ELMO1: variants seen among roughly 807,000 people sequenced by gnomAD.
The protein encoded by ELMO1 is engulfment and cell motility 1, also known as engulfment and cell motility protein 1.
ELMO1 carries 26 observed loss-of-function variants against 98.9 expected under a neutral mutation model. The observed-to-expected ratio is 0.26, with a 90% CI of 0.19 to 0.36. The LOEUF (loss-of-function observed/expected upper bound fraction) is 0.36, where lower values mean the gene tolerates loss of function less well. Among genes scored for constraint, ELMO1 ranks in the 10% least tolerant of loss-of-function variants. ELMO1 has a pLI of 1.00. For missense variants in ELMO1, 627 were observed against 935.2 expected (o/e 0.67, Z 4.30); for synonymous variants, 346 against 346.0 (o/e 1.00, Z 0.00).
chr7:37,096,918 G>T (rs773978616), intron 14 of ELMO1, among the ~76,000 whole-genome samples, 191 bp from the exon 15 acceptor site: 2 of 152,034 alleles, frequency 1.3e-5, no homozygotes, highest in Non-Finnish European at 2.9e-5. Flanking sequence ...CCAAATCTTT[G>T]ACAACCCTCT....
chr7:37,084,833 T>C (rs1251421626), intron 15 of ELMO1, among the ~76,000 whole-genome samples: 1 of 151,478 alleles, frequency 6.6e-6, no homozygotes, highest in East Asian at 1.9e-4. Context: ...GTTGGCTCAC[T>C]CCAACCTCTG....
chr7:36,969,020 C>G (rs1232993275), intron 16 of ELMO1, among the ~76,000 whole-genome samples: 1 of 151,878 alleles, frequency 6.6e-6, no homozygotes, highest in East Asian at 1.9e-4. Flanking sequence ...TATTTAAAAG[C>G]CTTTGAGAAT....
At chr7:36,979,660 A>G (rs1790879289) in intron 16 of ELMO1, among the ~76,000 whole-genome samples, 2 of 152,162 alleles carry the variant, frequency 1.3e-5, no homozygotes, top group South Asian at 2.1e-4. Flanking sequence ...GACAGTGCCA[A>G]TGTTGGTGGT....
chr7:36,903,891 C>T (rs1783771197), intron 16 of ELMO1, among the ~76,000 whole-genome samples: 1 of 152,214 alleles, frequency 6.6e-6, no homozygotes, highest in Non-Finnish European at 1.5e-5. Flanking sequence ...GATTGGTACT[C>T]TCACTGGGGA....
At chr7:36,974,929 C>T (rs555901393) in intron 16 of ELMO1, among the ~76,000 whole-genome samples, 1 of 152,102 alleles carries the variant, frequency 6.6e-6, no homozygotes, top group Non-Finnish European at 1.5e-5. Flanking sequence ...TCTGCAACTT[C>T]ACTCCTGAGC....
At chr7:37,148,249 T>G (rs576050941) in intron 13 of ELMO1, among the ~76,000 whole-genome samples, 26 of 152,362 alleles carry the variant, frequency 1.7e-4, no homozygotes, top group African/African-American at 6.0e-4. Context: ...AAGTAACTTC[T>G]ATTTCAGAAG....
intron 1 of ELMO1, among the ~76,000 whole-genome samples, chr7:37,344,725 C>G (rs896312030): frequency 6.6e-6 from 1 of 152,178 alleles, no homozygotes; most frequent in Admixed American, 6.5e-5. Context: ...GCAAACCTGA[C>G]AGGTTGAAAA....
rs375141739 is a variant in ELMO1, at chr7:37,103,479, T to C, written c.1192-6752A>G. Among the ~76,000 whole-genome samples the C allele has an allele frequency of 2.4e-5, 3 of 125,198 alleles. No homozygotes were observed. The East Asian group carries it at 7.8e-4, about 32-fold the overall frequency. The allele number at this position is 125,198 out of a possible 152,430, so 82.1% of individuals were successfully genotyped here. A position where few individuals can be genotyped will look rare whatever the true frequency, so the allele number is the denominator to read the frequency against. Reference sequence around the variant, plus strand: ...GTGGAAATTGAACAATAAGAACATATGGACATAAGAAGGGGAACAGCACAC... The same window carrying C: ...GTGGAAATTGAACAATAAGAACATACGGACATAAGAAGGGGAACAGCACAC... On this transcript the variant is annotated intron_variant, in intron 14 of 21. Transcript: ENST00000310758.
At chr7:37,011,033 C>G (rs1793512707) in intron 16 of ELMO1, among the ~76,000 whole-genome samples, 1 of 152,218 alleles carries the variant, frequency 6.6e-6, no homozygotes, top group African/African-American at 2.4e-5. Context: ...TGTCCTGAGC[C>G]ATAAACTGTC....
At chr7:36,861,913 T>C (rs964252198) in intron 20 of ELMO1, 177 bp from the exon 21 acceptor site, 6 of 630,262 alleles carry the variant, frequency 9.5e-6, no homozygotes, top group Non-Finnish European at 1.7e-5. Flanking sequence ...TGATTCCTTC[T>C]CTCCATTCAC....
chr7:37,086,743 C>CAA (rs755237121), intron 15 of ELMO1, among the ~76,000 whole-genome samples: 654 of 48,388 alleles, frequency 0.014, 9 homozygotes, highest in African/African-American at 0.037. Context: ...ATCCTGTCTC[C>CAA]AAAAAAAAAA....
At chr7:37,009,970 T>C (rs1793431183) in intron 16 of ELMO1, among the ~76,000 whole-genome samples, 1 of 152,186 alleles carries the variant, frequency 6.6e-6, no homozygotes, top group South Asian at 2.1e-4. Flanking sequence ...CTTCTCCAAC[T>C]TATTATCAAG....
chr7:36,891,911 G>A (rs1193368114), intron 17 of ELMO1, among the ~76,000 whole-genome samples: 1 of 152,076 alleles, frequency 6.6e-6, no homozygotes, highest in Admixed American at 6.6e-5. Flanking sequence ...TTAAATGATC[G>A]ATTTTTGGAC....
At chr7:37,132,965 C>G (rs1473274319) in intron 14 of ELMO1, 165 bp downstream of exon 14, 3 of 452,390 alleles carry the variant, frequency 6.6e-6, no homozygotes, top group Non-Finnish European at 1.1e-5. Flanking sequence ...ATTTCAGTCC[C>G]CTGATTGATC....
intron 1 of ELMO1, among the ~76,000 whole-genome samples, chr7:37,395,884 C>T (rs982504731): frequency 1.3e-5 from 2 of 152,186 alleles, no homozygotes; most frequent in African/African-American, 2.4e-5. Flanking sequence ...ACATTTTGTA[C>T]ACTTTATTTT....
intron 16 of ELMO1, among the ~76,000 whole-genome samples, chr7:36,940,930 CAGAT>C (rs1786980181): frequency 6.6e-6 from 1 of 152,196 alleles, no homozygotes; most frequent in African/African-American, 2.4e-5. Flanking sequence ...AAGAGAGGCA[CAGAT>C]AGTGTGATAA....
chr7:36,971,555 C>T (rs557611037), intron 16 of ELMO1, among the ~76,000 whole-genome samples: 1 of 152,300 alleles, frequency 6.6e-6, no homozygotes, highest in African/African-American at 2.4e-5. Context: ...TTCCATCTCT[C>T]CCTGGGAAGG....
At chr7:36,900,163 C>T (rs930649186) in intron 16 of ELMO1, among the ~76,000 whole-genome samples, 1 of 152,146 alleles carries the variant, frequency 6.6e-6, no homozygotes, top group African/African-American at 2.4e-5. Flanking sequence ...TTAATGCATG[C>T]TCAAGTATGA....
At chr7:37,319,926 C>CA (rs1373267737) in intron 2 of ELMO1, among the ~76,000 whole-genome samples, 4 of 152,094 alleles carry the variant, frequency 2.6e-5, no homozygotes, top group Non-Finnish European at 4.4e-5. Flanking sequence ...ACTTTCCCCA[C>CA]AAACTTTGCT....
Sources: gnomAD v4.1 joint callset for allele counts (sites outside exome capture counted in the v4.1 genomes callset) on GRCh38, gnomAD v4.1.1 for gene constraint, MANE v1.5 for transcripts, NCBI Gene and HGNC (gene_info 2026-07-23, HGNC 2026-07-21) for gene names.